The following SGCZ variants were observed in gnomAD, a reference collection of about 807,000 sequenced individuals.
SGCZ encodes zeta-sarcoglycan.
In SGCZ, 40 loss-of-function variants were observed where a neutral mutation model predicts 41.3. The observed-to-expected ratio is 0.97, with a 90% CI of 0.75 to 1.26. The LOEUF (loss-of-function observed/expected upper bound fraction) is 1.26. SGCZ is among the 50% of genes most tolerant of loss of function. SGCZ has a pLI of 0.00. For synonymous variants in SGCZ, 206 were observed against 137.5 expected (o/e 1.50, Z -3.49); for missense variants, 552 against 369.8 (o/e 1.49, Z -4.04).
At chr8:14,832,994 C>A (rs1032625650) in intron 1 of SGCZ, among the ~76,000 whole-genome samples, 3 of 151,358 alleles carry the variant, frequency 2.0e-5, no homozygotes, top group African/African-American at 7.3e-5. Context: ...TTTGATCATT[C>A]CTTTTATTTT....
At chr8:14,676,211 C>G (rs1808272359) in intron 1 of SGCZ, among the ~76,000 whole-genome samples, 1 of 152,152 alleles carries the variant, frequency 6.6e-6, no homozygotes, top group African/African-American at 2.4e-5. Flanking sequence ...AAGTATCATC[C>G]CTGCAATGCC....
intron 4 of SGCZ, among the ~76,000 whole-genome samples, chr8:14,199,166 C>A (rs1276619688): frequency 1.3e-5 from 2 of 152,280 alleles, no homozygotes; most frequent in East Asian, 1.9e-4. Context: ...CTGCTGAATT[C>A]TTTTTCTCAG....
intron 1 of SGCZ, among the ~76,000 whole-genome samples, chr8:15,094,813 G>A (rs551576860): frequency 3.9e-5 from 6 of 152,156 alleles, no homozygotes; most frequent in Admixed American, 6.5e-5. Context: ...TTTCCCCTTC[G>A]CTCTGACCCA....
At chr8:14,400,811 A>C (rs1473932616) in intron 2 of SGCZ, among the ~76,000 whole-genome samples, 1 of 152,182 alleles carries the variant, frequency 6.6e-6, no homozygotes, top group African/African-American at 2.4e-5. Context: ...AAAAGAATTG[A>C]ATCCATAGAG....
At chr8:14,964,229 T>C (rs796531598) in intron 1 of SGCZ, among the ~76,000 whole-genome samples, 16 of 152,302 alleles carry the variant, frequency 1.1e-4, no homozygotes, top group African/African-American at 3.8e-4. Context: ...ATTTTCAAGA[T>C]TGCAGCACAA....
chr8:15,109,934 T>C (rs1326568744), intron 1 of SGCZ, among the ~76,000 whole-genome samples: 1 of 152,164 alleles, frequency 6.6e-6, no homozygotes, highest in Non-Finnish European at 1.5e-5. Flanking sequence ...TATATACAAA[T>C]ATACATTAAA....
intron 1 of SGCZ, among the ~76,000 whole-genome samples, chr8:15,120,623 T>C (rs943681458): frequency 6.6e-6 from 1 of 152,220 alleles, no homozygotes; most frequent in Non-Finnish European, 1.5e-5. Flanking sequence ...TTTTGTGATG[T>C]AATAGATATG....
chr8:14,788,935 ACT>A (rs1474108321), intron 1 of SGCZ, among the ~76,000 whole-genome samples: 13 of 152,020 alleles, frequency 8.6e-5, no homozygotes, highest in African/African-American at 3.1e-4. Context: ...ATATAGCTAG[ACT>A]CTGTCTCTAT....
rs189687936 is a variant in SGCZ, at chr8:14,086,078, T to C, written c.*4365A>G. 7.2e-4 allele frequency among the ~76,000 whole-genome samples: 109 copies of C among 151,830 alleles called. No individual in the cohort carries two copies. The highest frequency in any genetic ancestry group is 2.5e-3 in the African/African-American group (104 of 41,522). ...TATTTTGTAGTGTTCATTACTGTAA[T>C]ATACACCAGTACATAGAGCAAATAA... is the stretch of plus-strand genomic sequence containing the variant. On this transcript the variant is annotated 3_prime_UTR_variant, in exon 8 of 8. Coordinates refer to ENST00000382080, the MANE Select transcript of SGCZ (RefSeq NM_139167.4).
In SGCZ at chr8:14,367,659, A is replaced by G. The variant is rs569486630; in HGVS notation, c.235-43455T>C. Among the ~76,000 whole-genome samples, 25 of 152,192 alleles carry G rather than the reference A, an allele frequency of 1.6e-4. No homozygotes were observed. In the South Asian group the frequency reaches 4.1e-3, roughly 25 times the overall value. On this transcript the variant is annotated intron_variant, in intron 2 of 7. Coordinates refer to ENST00000382080, the MANE Select transcript of SGCZ (RefSeq NM_139167.4). ...GGGAGAGCATGTGTAAGCACAGGAA[A>G]AACTACCATTTATAAAGCCATCAGT...
In SGCZ at chr8:14,462,807, G is replaced by C. The variant is rs535109462; in HGVS notation, c.234+91925C>G. On this transcript the variant is annotated intron_variant, in intron 2 of 7. Transcript: ENST00000382080. ...CGCATTGAATCTGTAGATCATTTGGGGTAATACTGTCATCTTAACAATATT... is the reference window on the plus strand; with the variant it reads ...CGCATTGAATCTGTAGATCATTTGGCGTAATACTGTCATCTTAACAATATT... 3.3e-4 allele frequency among the ~76,000 whole-genome samples: 50 copies of C among 151,838 alleles called. 1 individual carries two copies. Among genetic ancestry groups the C allele is most frequent in the African/African-American group, 1.2e-3 (48 of 41,508 alleles).
intron 1 of SGCZ, among the ~76,000 whole-genome samples, chr8:14,947,560 A>C (rs1373352690): frequency 6.6e-6 from 1 of 152,174 alleles, no homozygotes; most frequent in Non-Finnish European, 1.5e-5. Flanking sequence ...ATCACTTTAT[A>C]ACTGCACTGA....
intron 1 of SGCZ, among the ~76,000 whole-genome samples, chr8:14,902,736 T>A (rs1018685979): frequency 3.3e-5 from 5 of 152,156 alleles, no homozygotes; most frequent in African/African-American, 1.2e-4. Flanking sequence ...CAATTTTCTT[T>A]ACAATTCTTA....
chr8:14,243,055 T>G (rs745849014), intron 3 of SGCZ, among the ~76,000 whole-genome samples: 9 of 152,198 alleles, frequency 5.9e-5, no homozygotes, highest in Non-Finnish European at 1.3e-4. Flanking sequence ...TCTTGTTTCA[T>G]TTTGTCTCCT....
intron 1 of SGCZ, among the ~76,000 whole-genome samples, chr8:15,057,899 A>G (rs540061302): frequency 6.6e-6 from 1 of 152,200 alleles, no homozygotes; most frequent in East Asian, 1.9e-4. Context: ...GAATCTCATC[A>G]CCTAATCTGG....
intron 1 of SGCZ, among the ~76,000 whole-genome samples, chr8:15,030,928 C>T (rs958415188): frequency 6.6e-6 from 1 of 152,146 alleles, no homozygotes; most frequent in Admixed American, 6.5e-5. Flanking sequence ...AACTTACTGA[C>T]ACCATGATGC....
chr8:14,515,113 C>T (rs1464366901), intron 2 of SGCZ, among the ~76,000 whole-genome samples: 1 of 151,962 alleles, frequency 6.6e-6, no homozygotes, highest in African/African-American at 2.4e-5. Context: ...TTGCTTACAG[C>T]CAGCTCTAGG....
At position 15,076,042 on chromosome 8, in the gene SGCZ, C is replaced by T. The variant is rs1166293387; in HGVS notation, c.39+161543G>A. On this transcript the variant is annotated intron_variant, in intron 1 of 7. Coordinates refer to ENST00000382080, the MANE Select transcript of SGCZ (RefSeq NM_139167.4). ...AACTTTTGGTACTATGAGACTATAGCTTCTAATAGATACTTAAAATATGAA... is the reference window on the plus strand; with the variant it reads ...AACTTTTGGTACTATGAGACTATAGTTTCTAATAGATACTTAAAATATGAA... Among the ~76,000 whole-genome samples the T allele has an allele frequency of 2.6e-5, 4 of 152,060 alleles. No homozygotes were observed. In the South Asian group the frequency reaches 6.2e-4, roughly 24 times the overall value.
chr8:14,417,656 T>C (rs1254976597), intron 2 of SGCZ, among the ~76,000 whole-genome samples: 1 of 151,882 alleles, frequency 6.6e-6, no homozygotes, highest in East Asian at 1.9e-4. Context: ...TACAGCATGA[T>C]GACTAGAGTT....
Sources: gnomAD v4.1 joint callset for allele counts (sites outside exome capture counted in the v4.1 genomes callset) on GRCh38, gnomAD v4.1.1 for gene constraint, MANE v1.5 for transcripts, NCBI Gene and HGNC (gene_info 2026-07-23, HGNC 2026-07-21) for gene names.